Variants in MYO1H observed in about 807,000 individuals in gnomAD.
MYO1H encodes the protein unconventional myosin-Ih.
A neutral mutation model predicts 149.3 loss-of-function variants in MYO1H; 118 were observed. That is an observed-to-expected ratio of 0.79 (90% CI 0.68 to 0.92). MYO1H has a LOEUF of 0.92. Ranked by LOEUF, MYO1H falls within the 40% of genes least tolerant of loss-of-function variation. MYO1H has a pLI of 0.00. For synonymous variants in MYO1H, 447 were observed against 465.2 expected (o/e 0.96, Z 0.50); for missense variants, 1,212 against 1,280.7 (o/e 0.95, Z 0.82).
At chr12:109,386,995 CGTGTGTGT>C (rs55675476) in intron 1 of MYO1H, among the ~76,000 whole-genome samples, 5,426 of 141,116 alleles carry the variant, frequency 0.038, 113 homozygotes, top group Middle Eastern at 0.058. Flanking sequence ...ATCTCAAGTT[CGTGTGTGT>C]GTGTGTGTGT....
chr12:109,442,645 C>T (rs569436529), intron 27 of MYO1H, among the ~76,000 whole-genome samples: 1 of 152,272 alleles, frequency 6.6e-6, no homozygotes, highest in East Asian at 1.9e-4. Context: ...GGGCAGGTCA[C>T]TTAAGCTCTT....
At chr12:109,412,162 T>C (rs1870704594) in intron 14 of MYO1H, among the ~76,000 whole-genome samples, 177 bp downstream of exon 14, 1 of 152,098 alleles carries the variant, frequency 6.6e-6, no homozygotes, top group South Asian at 2.1e-4. Context: ...CTAAATGAAT[T>C]ATAATTTTTT....
chr12:109,432,188 TAGAG>T (rs1413542412), intron 19 of MYO1H, among the ~76,000 whole-genome samples: 2 of 151,992 alleles, frequency 1.3e-5, no homozygotes, highest in Non-Finnish European at 2.9e-5. Flanking sequence ...GTATTTTTAG[TAGAG>T]ACAGGGTTTC....
the MYO1H span, among the ~76,000 whole-genome samples, chr12:109,331,606 C>T: frequency 1.3e-3 from 201 of 152,264 alleles, no homozygotes; most frequent in East Asian, 3.7e-3. Context: ...ACTTCGGGAG[C>T]GGTAGCTTTC....
chr12:109,360,060 A>G (rs997025933), intron 1 of MYO1H, among the ~76,000 whole-genome samples: 1 of 151,878 alleles, frequency 6.6e-6, no homozygotes, highest in African/African-American at 2.4e-5. Context: ...AAGAGGTCCC[A>G]GGAATGGGTA....
intron 1 of MYO1H, among the ~76,000 whole-genome samples, chr12:109,350,253 G>A (rs1868437686): frequency 6.6e-6 from 1 of 152,106 alleles, no homozygotes. Flanking sequence ...TTGGGTTGTA[G>A]GGAATCCATA....
chr12:109,443,151 T>TGTGTGTATATATGTGTAC lies in MYO1H; in HGVS notation c.2689-363_2689-362insGTGTGTATATATGTGTAC, dbSNP rs1872275000. ...GTATATATGTGTGTATATGTGTACGTATGTGTGTGTATATGTGTACGTATG... is the reference window on the plus strand; with the variant it reads ...GTATATATGTGTGTATATGTGTACGTGTGTGTATATATGTGTACATGTGTGTGTATATGTGTACGTATG... On this transcript the variant is annotated intron_variant, in intron 27 of 31. Transcript: ENST00000310903. Among the ~76,000 whole-genome samples the TGTGTGTATATATGTGTAC allele has an allele frequency of 4.6e-5, 3 of 65,914 alleles. 1 individual carries two copies. Among genetic ancestry groups the TGTGTGTATATATGTGTAC allele is most frequent in the South Asian group, 5.2e-4 (1 of 1,936 alleles). 43.2% of individuals were successfully genotyped at this position (65,914 alleles called of 152,430 possible).
chr12:109,443,344 A>G (rs1311783202), intron 27 of MYO1H, among the ~76,000 whole-genome samples, 170 bp from the exon 28 acceptor site: 1 of 129,548 alleles, frequency 7.7e-6, no homozygotes, highest in Non-Finnish European at 1.6e-5. Flanking sequence ...GTACGTATAT[A>G]TGTGTGTATA....
chr12:109,440,822 G>A, exon 25 of MYO1H: 1 of 1,559,230 alleles, frequency 6.4e-7, no homozygotes, highest in Non-Finnish European at 8.7e-7. Context: ...TGAGCGGAAA[G>A]CAATGGTAGG....
chr12:109,393,990 G>A (rs1279357375), intron 3 of MYO1H, among the ~76,000 whole-genome samples: 2 of 152,124 alleles, frequency 1.3e-5, no homozygotes, highest in African/African-American at 4.8e-5. Flanking sequence ...AACTTCCCAG[G>A]GCTGTGGAAG....
chr12:109,406,775 T>C lies in MYO1H; in HGVS notation c.964-14T>C. The C allele has an allele frequency of 6.2e-7, 1 of 1,613,204 alleles. No individual in the cohort carries two copies. The highest frequency in any genetic ancestry group is 8.5e-7 in the Non-Finnish European group (1 of 1,179,136). On this transcript the variant is annotated splice_polypyrimidine_tract_variant and intron_variant, in intron 8 of 31. Coordinates refer to ENST00000310903, the Ensembl canonical transcript of MYO1H. ...GCGTCACTGAATAGCATTCTGGATT[T>C]CTTTTACATGCAGCTCCTGGGGGTC...
exon 23 of MYO1H, chr12:109,438,543 A>G (rs773249245): frequency 6.2e-7 from 1 of 1,613,150 alleles, no homozygotes; most frequent in Non-Finnish European, 8.5e-7. Flanking sequence ...CAGCCATCAA[A>G]CTGGAAGCCC....
chr12:109,447,326 G>A (rs887861515), exon 32 of MYO1H: 8 of 774,474 alleles, frequency 1.0e-5, no homozygotes, highest in South Asian at 3.0e-5. Context: ...AGAAACTGAG[G>A]GGCGTTAGGC....
chr12:109,394,047 A>G (rs1235763470), intron 3 of MYO1H, among the ~76,000 whole-genome samples: 1 of 152,210 alleles, frequency 6.6e-6, no homozygotes, highest in African/African-American at 2.4e-5. Flanking sequence ...TGTATAACCT[A>G]TGGTAATAAT....
intron 1 of MYO1H, among the ~76,000 whole-genome samples, chr12:109,362,102 T>G (rs1868768047): frequency 6.6e-6 from 1 of 152,238 alleles, no homozygotes; most frequent in Non-Finnish European, 1.5e-5. Context: ...ACAATATCAT[T>G]TATTGCTCAG....
At chr12:109,324,828 C>G in the MYO1H span, among the ~76,000 whole-genome samples, 8 of 151,990 alleles carry the variant, frequency 5.3e-5, no homozygotes, top group Non-Finnish European at 8.8e-5. Flanking sequence ...AGGTTTTAAG[C>G]CCTGCATGCA....
chr12:109,410,660 G>A (rs1472569378), intron 12 of MYO1H, 28 bp from the exon 13 acceptor site: 1 of 1,500,498 alleles, frequency 6.7e-7, no homozygotes, highest in East Asian at 2.3e-5. Context: ...ATATTTCTTG[G>A]AGAATTCATT....
intron 25 of MYO1H, among the ~76,000 whole-genome samples, chr12:109,441,203 T>C (rs1334279617): frequency 6.6e-6 from 1 of 152,210 alleles, no homozygotes; most frequent in Non-Finnish European, 1.5e-5. Flanking sequence ...TCTGTTGGAA[T>C]TACTCAACTC....
intron 1 of MYO1H, among the ~76,000 whole-genome samples, chr12:109,368,351 C>G (rs1288038754): frequency 6.6e-6 from 1 of 152,038 alleles, no homozygotes; most frequent in Non-Finnish European, 1.5e-5. Flanking sequence ...GGACAACTTA[C>G]AGTCATTAAA....
Sources: allele counts gnomAD v4.1 joint callset (sites outside exome capture counted in the v4.1 genomes callset), GRCh38; gene constraint gnomAD v4.1.1; transcripts MANE v1.5; gene names NCBI Gene and HGNC (gene_info 2026-07-23, HGNC 2026-07-21).